Variants in LRIG1 observed in about 807,000 individuals in gnomAD.
LRIG1 encodes leucine-rich repeats and immunoglobulin-like domains protein 1.
LRIG1 carries 48 observed loss-of-function variants against 99.2 expected under a neutral mutation model. The observed-to-expected ratio is 0.48, with a 90% confidence interval of 0.38 to 0.62. The LOEUF is 0.62. Ranked by LOEUF, LRIG1 falls within the 20% of genes least tolerant of loss-of-function variation. The pLI is 0.00. For synonymous variants in LRIG1, 772 were observed against 596.1 expected (o/e 1.29, Z -4.30); for missense variants, 1,646 against 1,434.4 (o/e 1.15, Z -2.38).
intron 5 of LRIG1, among the ~76,000 whole-genome samples, chr3:66,413,902 T>C (rs1702543311): frequency 6.6e-6 from 1 of 152,148 alleles, no homozygotes; most frequent in South Asian, 2.1e-4. Flanking sequence ...TTTTGTTTTG[T>C]TGAAACAAAA....
intron 1 of LRIG1, among the ~76,000 whole-genome samples, chr3:66,475,615 G>A (rs1314621504): frequency 2.0e-5 from 3 of 152,210 alleles, no homozygotes; most frequent in Non-Finnish European, 2.9e-5. Context: ...TGACAACTGC[G>A]TTTACTTGTG....
At chr3:66,424,672 C>T (rs1203181624) in intron 3 of LRIG1, among the ~76,000 whole-genome samples, 5 of 152,202 alleles carry the variant, frequency 3.3e-5, no homozygotes, top group Non-Finnish European at 5.9e-5. Context: ...AATGCCATCA[C>T]ACAGCAATCT....
chr3:66,428,793 G>A (rs747660334), intron 3 of LRIG1, among the ~76,000 whole-genome samples: 18 of 152,160 alleles, frequency 1.2e-4, no homozygotes, highest in Non-Finnish European at 2.2e-4. Context: ...CTGCTGTCTC[G>A]TAAGAAACAG....
rs567158906 is a variant in LRIG1, at chr3:66,395,585, T to C, written c.1305-1382A>G. ...ATTATAACTGGGATGCTGGCCCATA[T>C]TAGATCTTAAAATCAGCATGAGAGT... On this transcript the variant is annotated intron_variant, in intron 11 of 18. Transcript: ENST00000273261. Among the ~76,000 whole-genome samples, 6 of 152,342 alleles carry C rather than the reference T, an allele frequency of 3.9e-5. No homozygotes were observed. The East Asian group carries it at 1.2e-3, about 29-fold the overall frequency.
intron 3 of LRIG1, among the ~76,000 whole-genome samples, chr3:66,444,910 T>C (rs1018672189): frequency 6.6e-6 from 1 of 151,762 alleles, no homozygotes; most frequent in African/African-American, 2.4e-5. Context: ...TCTGTATCTA[T>C]CTATATACAT....
intron 9 of LRIG1, among the ~76,000 whole-genome samples, chr3:66,400,439 G>A (rs1367907716): frequency 2.0e-5 from 3 of 152,194 alleles, no homozygotes; most frequent in Non-Finnish European, 2.9e-5. Context: ...TCAATCTTAA[G>A]GTACACCAGG....
Position 66,379,538 on chromosome 3 carries a change from C to G in LRIG1, c.*725G>C, listed in dbSNP as rs1344375963. 5.3e-5 allele frequency: 8 copies of G among 152,078 alleles called. No homozygotes were observed. Among genetic ancestry groups the G allele is most frequent in the Non-Finnish European group, 1.2e-4 (8 of 68,012 alleles). 9.4% of individuals were successfully genotyped at this position (152,078 alleles called of 1,614,324 possible). A position where few individuals can be genotyped will look rare whatever the true frequency, so the allele number is the denominator to read the frequency against. ...GAAAGGCAGTGTTTAACTGTTCTGA[C>G]CTTTTGCTTGTGATGGATTAACAAC... On this transcript the variant is annotated 3_prime_UTR_variant, in exon 19 of 19. Transcript: ENST00000273261.
At chr3:66,441,200 C>T (rs976849290) in intron 3 of LRIG1, among the ~76,000 whole-genome samples, 2 of 152,146 alleles carry the variant, frequency 1.3e-5, no homozygotes, top group African/African-American at 4.8e-5. Context: ...ACACATTTCA[C>T]CTCCTGGTTG....
chr3:66,431,687 A>G (rs1240759022), intron 3 of LRIG1, among the ~76,000 whole-genome samples: 2 of 152,196 alleles, frequency 1.3e-5, no homozygotes, highest in Admixed American at 1.3e-4. Context: ...GACCTCACCA[A>G]CTAGGACCTG....
At chr3:66,447,685 A>C (rs776681620) in intron 3 of LRIG1, among the ~76,000 whole-genome samples, 13 of 152,194 alleles carry the variant, frequency 8.5e-5, no homozygotes, top group Non-Finnish European at 1.8e-4. Flanking sequence ...CAGGAGACAA[A>C]AGCTAAGACC....
At chr3:66,476,079 A>G (rs182500800) in intron 1 of LRIG1, among the ~76,000 whole-genome samples, 1 of 152,308 alleles carries the variant, frequency 6.6e-6, no homozygotes, top group East Asian at 1.9e-4. Context: ...AGAACTACCT[A>G]TATCAAATGG....
chr3:66,382,918 C>A, intron 15 of LRIG1, 64 bp downstream of exon 15: 1 of 1,475,642 alleles, frequency 6.8e-7, no homozygotes, highest in East Asian at 2.3e-5. Context: ...GAACCCGGCC[C>A]AGTTCCCCAG....
chr3:66,385,945 G>T (rs764156836), intron 13 of LRIG1, 36 bp downstream of exon 13: 1 of 1,572,744 alleles, frequency 6.4e-7, no homozygotes, highest in Admixed American at 1.7e-5. Flanking sequence ...TGCTTTGTAG[G>T]ATTCTGGTAC....
At position 66,384,064 on chromosome 3, in the gene LRIG1, G is replaced by A. The variant is rs758586835; in HGVS notation, c.1998C>T (p.Asp666=). Residue 666 remains aspartate (D), a synonymous_variant, in exon 14 of 19, where the codon GAC becomes GAT. Transcript: ENST00000273261. ...VFFITDVKID[D]AGVYSCTAQN... ...GAGCAGTACAGCTGTAAACCCCTGCGTCATCTATTTTCACATCAGTGATGA... is the reference window on the plus strand; with the variant it reads ...GAGCAGTACAGCTGTAAACCCCTGCATCATCTATTTTCACATCAGTGATGA... 253 of 1,613,924 alleles carry A rather than the reference G, an allele frequency of 1.6e-4. No individual in the cohort carries two copies. The highest frequency in any genetic ancestry group is 1.7e-4 in the Non-Finnish European group (200 of 1,180,040).
At chr3:66,384,420 G>T in intron 13 of LRIG1, 148 bp from the exon 14 acceptor site, 1 of 830,878 alleles carries the variant, frequency 1.2e-6, no homozygotes, top group Non-Finnish European at 2.0e-6. Flanking sequence ...CCTGCCACCT[G>T]TGAATCAGGA....
chr3:66,384,810 G>A (rs1020920751), intron 13 of LRIG1, among the ~76,000 whole-genome samples: 3 of 152,170 alleles, frequency 2.0e-5, no homozygotes, highest in African/African-American at 7.2e-5. Context: ...CAGCTTGCTA[G>A]CTTGCTCAGC....
Position 66,500,704 on chromosome 3 carries a change from T to G in LRIG1, c.-297A>C. The G allele has an allele frequency of 4.2e-5, 9 of 211,962 alleles. No homozygotes were observed. The highest frequency in any genetic ancestry group is 5.9e-5 in the Admixed American group (1 of 16,852). 13.1% of individuals were successfully genotyped at this position (211,962 alleles called of 1,614,324 possible). On this transcript the variant is annotated 5_prime_UTR_variant, in exon 1 of 19. Coordinates refer to ENST00000273261, the MANE Select transcript of LRIG1 (RefSeq NM_015541.3). ...GGCAAGGTGTACCCAGCCTGCGCTC[T>G]TCGTCCGCCCGGGGCACGCCGAGTG...
chr3:66,406,759 G>A (rs1356241675), intron 8 of LRIG1, among the ~76,000 whole-genome samples: 2 of 152,130 alleles, frequency 1.3e-5, no homozygotes, highest in Admixed American at 1.3e-4. Context: ...GGGACTTCAA[G>A]GGAAATGGCA....
intron 1 of LRIG1, among the ~76,000 whole-genome samples, chr3:66,465,379 T>C (rs1700450681): frequency 6.8e-6 from 1 of 147,978 alleles, no homozygotes; most frequent in Non-Finnish European, 1.5e-5. Context: ...TTTTTTTTTT[T>C]TTTGAGACGA....
Sources: gnomAD v4.1 joint callset for allele counts (sites outside exome capture counted in the v4.1 genomes callset) on GRCh38, gnomAD v4.1.1 for gene constraint, MANE v1.5 for transcripts, NCBI Gene and HGNC (gene_info 2026-07-23, HGNC 2026-07-21) for gene names.